The following SPTBN4 variants were observed in gnomAD, a reference collection of about 807,000 sequenced individuals.
The protein encoded by SPTBN4 is spectrin beta chain, non-erythrocytic 4.
A neutral mutation model predicts 277.8 loss-of-function variants in SPTBN4; 96 were observed. The observed-to-expected ratio is 0.35, with a 90% confidence interval of 0.29 to 0.41. The LOEUF (loss-of-function observed/expected upper bound fraction) is 0.41, where lower values mean the gene tolerates loss of function less well. SPTBN4 is among the 10% of genes least tolerant of loss of function. The probability of loss-of-function intolerance (pLI) is 1.00; values close to 1 mark genes in which losing one functional copy is unlikely to be tolerated. For missense variants in SPTBN4, 3,006 were observed against 3,595.7 expected (o/e 0.84, Z 4.19); for synonymous variants, 1,481 against 1,580.3 (o/e 0.94, Z 1.49).
chr19:40,479,489 TA>T (rs1223014356), intron 2 of SPTBN4, among the ~76,000 whole-genome samples: 1 of 151,830 alleles, frequency 6.6e-6, no homozygotes, highest in Non-Finnish European at 1.5e-5. Flanking sequence ...GTTTTTTAAA[TA>T]AAGATGGGGT....
At position 40,519,790 on chromosome 19, in the gene SPTBN4, A is replaced by T. The variant is rs965050637; in HGVS notation, c.3293A>T (p.Asp1098Val). 62 of 1,435,312 alleles carry T rather than the reference A, an allele frequency of 4.3e-5. No homozygotes were observed. The highest frequency in any genetic ancestry group is 5.4e-5 in the Non-Finnish European group (60 of 1,108,096). 88.9% of individuals were successfully genotyped at this position (1,435,312 alleles called of 1,614,324 possible). A position where few individuals can be genotyped will look rare whatever the true frequency, so the allele number is the denominator to read the frequency against. The change falls in exon 16 of 36, where the codon GAC becomes GTC. Residue 1098 changes from aspartate (D) to valine (V), a missense_variant. This residue lies in a region of SPTBN4 where 1,759 missense variants were observed against 2,061.5 expected (regional missense o/e 0.85). Transcript: ENST00000598249. The surrounding 1 kb of genome is among the most constrained non-coding windows in gnomAD (Gnocchi z 5.7). ...GRLQRFLHDL[D>V]AFLDWLVRAQ... ...CTGCAGCGCTTCCTACATGACCTCG[A>T]CGCTTTCCTGGACTGGCTCGTGCGC...
rs547573016 is a variant in SPTBN4 at position 40,558,578 on chromosome 19, T to C, written c.5670+1175T>C. 3.3e-5 allele frequency among the ~76,000 whole-genome samples: 5 copies of C among 151,980 alleles called. 1 individual carries two copies. In the South Asian group the frequency reaches 6.2e-4, roughly 19 times the overall value. ...GCAGGAAATTGGGTTGCAGTTCTAA[T>C]GGAAGGTAGAAGTTGGGCAATTTTT... On this transcript the variant is annotated intron_variant, in intron 26 of 35. Transcript: ENST00000598249.
rs1476951001 is a variant in SPTBN4, at chr19:40,554,285, G to A, written c.4813G>A (p.Gly1605Arg). 4 of 1,538,064 alleles carry A rather than the reference G, an allele frequency of 2.6e-6. No individual in the cohort carries two copies. Among genetic ancestry groups the A allele is most frequent in the Non-Finnish European group, 3.5e-6 (4 of 1,148,236 alleles). The change falls in exon 23 of 36, where the codon GGA (glycine) becomes AGA (arginine). Residue 1605 changes from glycine to arginine, a missense_variant. Around this residue, in one of 5 missense-constraint regions of SPTBN4, gnomAD observed 1,759 missense variants for 2,061.5 expected, o/e 0.85. Transcript: ENST00000598249. The surrounding 1 kb of genome is among the most constrained non-coding windows in gnomAD (Gnocchi z 5.7). ...GGAGCAGCTGCAGAGCGCCTGGGCC[G>A]GACTGCGGGAGGCTGCCGAGCGACG... is the stretch of plus-strand genomic sequence containing the variant. ...GLEQLQSAWAGLREAAERRQQ... is the reference protein window; with the variant it reads ...GLEQLQSAWARLREAAERRQQ...
At chr19:40,469,635 T>A (rs1316199391) in intron 1 of SPTBN4, among the ~76,000 whole-genome samples, 1 of 151,730 alleles carries the variant, frequency 6.6e-6, no homozygotes, top group African/African-American at 2.4e-5. Flanking sequence ...ACCCTTTAAA[T>A]TTCTTCTCTT....
chr19:40,493,470 G>A (rs1159108498), intron 5 of SPTBN4, among the ~76,000 whole-genome samples: 2 of 152,226 alleles, frequency 1.3e-5, no homozygotes, highest in Admixed American at 1.3e-4. Flanking sequence ...GGGAGAATGA[G>A]GCTAGGACTT....
chr19:40,563,416 A>G (rs1465590729), intron 27 of SPTBN4, among the ~76,000 whole-genome samples: 1 of 152,132 alleles, frequency 6.6e-6, no homozygotes, highest in Non-Finnish European at 1.5e-5. Flanking sequence ...GGTGCTGTCC[A>G]ATAGTTATAT....
At chr19:40,567,410 G>C (rs1370909707) in intron 30 of SPTBN4, among the ~76,000 whole-genome samples, 1 of 152,138 alleles carries the variant, frequency 6.6e-6, no homozygotes, top group Admixed American at 6.5e-5. Flanking sequence ...GGCACGCAGA[G>C]CAATTGATTT....
intron 7 of SPTBN4, 63 bp from the exon 8 acceptor site, chr19:40,501,858 A>G (rs1315680315): frequency 7.1e-7 from 1 of 1,418,078 alleles, no homozygotes; most frequent in African/African-American, 1.4e-5. Flanking sequence ...CCTCCATCCA[A>G]TACCTTCAAG....
At chr19:40,508,098 G>A (rs1367361237) in intron 13 of SPTBN4, among the ~76,000 whole-genome samples, 5 of 152,216 alleles carry the variant, frequency 3.3e-5, no homozygotes, top group Non-Finnish European at 1.5e-5. Context: ...CCCAGGGCAT[G>A]CAGTGATCTA....
intron 7 of SPTBN4, among the ~76,000 whole-genome samples, chr19:40,501,097 G>C (rs1195755427): frequency 6.6e-6 from 1 of 152,118 alleles, no homozygotes; most frequent in Non-Finnish European, 1.5e-5. Context: ...GTTGAGCCAG[G>C]CATGGTGGTT....
rs1005958712 is a variant in SPTBN4, at chr19:40,515,121, A to T, written c.2766-190A>T. ...CTCTGTCTCAATACATACATACATA[A>T]ATTAATTAAATTAAATTAAATAAGT... On this transcript the variant is annotated intron_variant, in intron 14 of 35. Transcript: ENST00000598249. This position sits in a 1 kb window ranked among gnomAD's most constrained non-coding sequence, Gnocchi z 4.1. Among the ~76,000 whole-genome samples the T allele has an allele frequency of 2.0e-5, 3 of 152,090 alleles. No individual in the cohort carries two copies. The highest frequency in any genetic ancestry group is 7.2e-5 in the African/African-American group (3 of 41,412).
chr19:40,516,122 C>T (rs949921583), intron 15 of SPTBN4, among the ~76,000 whole-genome samples: 6 of 149,540 alleles, frequency 4.0e-5, no homozygotes, highest in African/African-American at 1.5e-4. Context: ...TTTGTAGTCC[C>T]AGCTACATGG....
chr19:40,574,262 G>C (rs2081181115), intron 35 of SPTBN4, among the ~76,000 whole-genome samples: 1 of 152,152 alleles, frequency 6.6e-6, no homozygotes, highest in African/African-American at 2.4e-5. Context: ...AGGAAGAGGA[G>C]TCTGAGAGAG....
rs61584591 is a variant in SPTBN4 at position 40,473,354 on chromosome 19, G to GTTTTTTT, written c.169+578_169+584dup. Reference sequence around the variant, plus strand: ...CATGAGCCACTGCACCTGGCCTGGTGTTTTTTTTTTTTTTTTTTTTGAGAC... The same window carrying GTTTTTTT: ...CATGAGCCACTGCACCTGGCCTGGTGTTTTTTTTTTTTTTTTTTTTTTTTTTTGAGAC... On this transcript the variant is annotated intron_variant, in intron 2 of 35. Transcript: ENST00000598249. Among the ~76,000 whole-genome samples, 457 of 99,072 alleles carry GTTTTTTT rather than the reference G, an allele frequency of 4.6e-3. 11 individuals are homozygous for GTTTTTTT. The highest frequency in any genetic ancestry group is 6.1e-3 in the Non-Finnish European group (312 of 50,842). The allele number at this position is 99,072 out of a possible 152,430, so 65.0% of individuals were successfully genotyped here.
chr19:40,495,097 C>A (rs1356525802), intron 6 of SPTBN4, 120 bp downstream of exon 6: 2 of 851,642 alleles, frequency 2.3e-6, no homozygotes, highest in Non-Finnish European at 3.7e-6. Context: ...CATCCCTTCA[C>A]CTCTACACAC....
intron 5 of SPTBN4, 66 bp from the exon 6 acceptor site, chr19:40,494,830 CT>C (rs2080178017): frequency 9.8e-6 from 14 of 1,435,424 alleles, no homozygotes; most frequent in African/African-American, 7.0e-5. Context: ...CTCCCTCTGT[CT>C]TTTTCCCCTT....
rs1385558475 is a variant in SPTBN4, at chr19:40,531,478, T to G, written c.3949-1147T>G. Reference sequence around the variant, plus strand: ...GTCCAGTGTTTGTTTTTTTTTTTTTTTTTTTTTTTTTTTTTTTTTTTGCAG... The same window carrying G: ...GTCCAGTGTTTGTTTTTTTTTTTTTGTTTTTTTTTTTTTTTTTTTTTGCAG... On this transcript the variant is annotated intron_variant, in intron 18 of 35. Coordinates refer to ENST00000598249, the MANE Select transcript of SPTBN4 (RefSeq NM_020971.3). 7.7e-5 allele frequency among the ~76,000 whole-genome samples: 9 copies of G among 116,704 alleles called. No individual in the cohort carries two copies. In the South Asian group the frequency reaches 1.2e-3, roughly 16 times the overall value. The allele number at this position is 116,704 out of a possible 152,430, so 76.6% of individuals were successfully genotyped here. A position where few individuals can be genotyped will look rare whatever the true frequency, so the allele number is the denominator to read the frequency against.
chr19:40,566,826 G>A (rs1181630581), intron 30 of SPTBN4, among the ~76,000 whole-genome samples: 4 of 152,022 alleles, frequency 2.6e-5, no homozygotes, highest in East Asian at 1.9e-4. Flanking sequence ...TTAGCTGGGC[G>A]TGGTGGTGCA....
chr19:40,565,793 T>G (rs772419486), intron 29 of SPTBN4, 48 bp downstream of exon 29: 1 of 1,533,696 alleles, frequency 6.5e-7, no homozygotes, highest in African/African-American at 1.4e-5. Context: ...AGGGACATGC[T>G]CCAGCCTGTC....
Sources: gnomAD v4.1 joint callset for allele counts (sites outside exome capture counted in the v4.1 genomes callset) on GRCh38, gnomAD v4.1.1 for gene constraint, gnomAD v4.1.1 regional missense constraint, Gnocchi (gnomAD v3.1) non-coding constraint, MANE v1.5 for transcripts, NCBI Gene and HGNC (gene_info 2026-07-23, HGNC 2026-07-21) for gene names.